The following CCDC141 variants were observed in gnomAD, a reference collection of about 807,000 sequenced individuals.
CCDC141 encodes the protein coiled-coil domain-containing protein 141.
CCDC141 carries 168 observed loss-of-function variants against 181.0 expected under a neutral mutation model. The ratio of observed to expected loss-of-function variants is 0.93; its 90% CI spans 0.82 to 1.05. CCDC141 has a LOEUF of 1.05. Among genes scored for constraint, CCDC141 ranks in the 50% least tolerant of loss-of-function variants. The pLI is 0.00. For synonymous variants in CCDC141, 666 were observed against 642.3 expected (o/e 1.04, Z -0.56); for missense variants, 1,902 against 1,788.5 (o/e 1.06, Z -1.14).
chr2:178,837,793 T>C (rs1169441830), intron 22 of CCDC141, 49 bp from the exon 23 acceptor site: 2 of 1,545,286 alleles, frequency 1.3e-6, no homozygotes, highest in Non-Finnish European at 1.7e-6. Context: ...TTTTTCTTTT[T>C]CCAGTTTCAA....
chr2:178,945,618 C>T (rs1055635693), intron 5 of CCDC141, among the ~76,000 whole-genome samples: 3 of 152,132 alleles, frequency 2.0e-5, no homozygotes, highest in African/African-American at 7.2e-5. Context: ...GCCCTGCCAT[C>T]AGCGGGAATG....
chr2:178,961,148 C>A, intron 5 of CCDC141, 82 bp downstream of exon 5: 1 of 1,437,746 alleles, frequency 7.0e-7, no homozygotes, highest in Non-Finnish European at 9.3e-7. Context: ...TGAAGACTGA[C>A]AAACTGCCCC....
chr2:179,039,361 C>G (rs1280567959), intron 2 of CCDC141, among the ~76,000 whole-genome samples: 5 of 152,044 alleles, frequency 3.3e-5, no homozygotes. Context: ...CAGAAAATAG[C>G]TTTTCTATTA....
chr2:179,035,530 G>T (rs1389546151), intron 2 of CCDC141, among the ~76,000 whole-genome samples: 1 of 152,124 alleles, frequency 6.6e-6, no homozygotes, highest in African/African-American at 2.4e-5. Context: ...AGTGGAAAAG[G>T]CCTGTCTCTG....
intron 7 of CCDC141, among the ~76,000 whole-genome samples, chr2:178,916,309 T>C (rs1688444328): frequency 6.6e-6 from 1 of 152,158 alleles, no homozygotes; most frequent in Non-Finnish European, 1.5e-5. Context: ...TTTGAAATTA[T>C]ATTAATTTTA....
chr2:178,932,492 G>C (rs1689139063), intron 6 of CCDC141, among the ~76,000 whole-genome samples: 1 of 152,106 alleles, frequency 6.6e-6, no homozygotes, highest in Non-Finnish European at 1.5e-5. Context: ...TTGGTAACAT[G>C]TAATCCTTAG....
rs1349425711 is a variant in CCDC141, at chr2:179,049,880, A to G, written c.62T>C (p.Val21Ala). The change falls in exon 1 of 24, where the codon GTG becomes GCG. Residue 21 changes from valine (V) to alanine (A), a missense_variant. By Grantham distance (64) the Val-to-Ala change is moderately conservative. Coordinates refer to ENST00000443758, the MANE Select transcript of CCDC141 (RefSeq NM_173648.4). ...AACGATTTTGGAGTCCCCAGCCTGCACAGCAACTGAACTGACTGTCGTCGT... is the reference window on the plus strand; with the variant it reads ...AACGATTTTGGAGTCCCCAGCCTGCGCAGCAACTGAACTGACTGTCGTCGT... ...LSTTTVSSVAVQAGDSKIVIA... is the reference protein window; with the variant it reads ...LSTTTVSSVAAQAGDSKIVIA... 6.4e-7 allele frequency: 1 copy of G among 1,550,808 alleles called. No homozygotes were observed.
intron 1 of CCDC141, among the ~76,000 whole-genome samples, chr2:179,047,847 C>T (rs1387967893): frequency 6.6e-6 from 1 of 152,152 alleles, no homozygotes; most frequent in African/African-American, 2.4e-5. Flanking sequence ...CTTGTAAATG[C>T]AATTTAGGCT....
At chr2:178,957,322 T>C (rs1241063111) in intron 5 of CCDC141, among the ~76,000 whole-genome samples, 1 of 152,184 alleles carries the variant, frequency 6.6e-6, no homozygotes, top group East Asian at 1.9e-4. Flanking sequence ...GTGAGTTAAG[T>C]ATTATTCCCA....
At chr2:178,841,552 T>C (rs1182670600) in intron 22 of CCDC141, among the ~76,000 whole-genome samples, 4 of 152,252 alleles carry the variant, frequency 2.6e-5, no homozygotes, top group African/African-American at 9.6e-5. Flanking sequence ...ACATCTATTA[T>C]GTATCATATA....
At chr2:178,885,204 A>G (rs1307252019) in intron 10 of CCDC141, 112 bp from the exon 11 acceptor site, 2 of 600,618 alleles carry the variant, frequency 3.3e-6, no homozygotes, top group Non-Finnish European at 5.3e-6. Context: ...ACTTATACCA[A>G]GAATCTCCTC....
At chr2:178,956,696 T>G (rs1336386421) in intron 5 of CCDC141, among the ~76,000 whole-genome samples, 1 of 152,220 alleles carries the variant, frequency 6.6e-6, no homozygotes, top group Non-Finnish European at 1.5e-5. Context: ...ATAGTTAATT[T>G]TTGTTCAAGT....
At chr2:178,920,967 T>C (rs886160983) in intron 6 of CCDC141, among the ~76,000 whole-genome samples, 1 of 152,154 alleles carries the variant, frequency 6.6e-6, no homozygotes, top group Non-Finnish European at 1.5e-5. Flanking sequence ...GATATTATTA[T>C]TTTTTCTAGT....
At chr2:178,984,001 A>G (rs921184244) in intron 2 of CCDC141, among the ~76,000 whole-genome samples, 7 of 151,630 alleles carry the variant, frequency 4.6e-5, no homozygotes, top group African/African-American at 1.2e-4. Context: ...GCAACTCCAA[A>G]ACACATAATT....
At chr2:178,817,865 C>A in the CCDC141 span, among the ~76,000 whole-genome samples, 1 of 130,064 alleles carries the variant, frequency 7.7e-6, no homozygotes, top group Non-Finnish European at 1.6e-5. Context: ...TGCAGTGGCA[C>A]AATCTCCACT....
chr2:178,974,220 G>A (rs1691022799), intron 4 of CCDC141, among the ~76,000 whole-genome samples: 2 of 152,076 alleles, frequency 1.3e-5, no homozygotes, highest in South Asian at 4.2e-4. Context: ...ACACCTTTTG[G>A]TCCTATCCAG....
At chr2:179,036,358 A>C (rs904384392) in intron 2 of CCDC141, among the ~76,000 whole-genome samples, 2 of 152,194 alleles carry the variant, frequency 1.3e-5, no homozygotes, top group Non-Finnish European at 2.9e-5. Flanking sequence ...CTCCATGTTG[A>C]AGAAGCCTAT....
chr2:179,031,016 G>A (rs1403264470), intron 2 of CCDC141, among the ~76,000 whole-genome samples: 1 of 151,946 alleles, frequency 6.6e-6, no homozygotes, highest in Non-Finnish European at 1.5e-5. Flanking sequence ...CCAATATAGA[G>A]GGCCACTAGC....
intron 6 of CCDC141, among the ~76,000 whole-genome samples, chr2:178,932,075 C>T (rs1689121731): frequency 6.6e-6 from 1 of 152,096 alleles, no homozygotes; most frequent in African/African-American, 2.4e-5. Context: ...AAGAGAATTG[C>T]TTGAACCTAG....
Sources: gnomAD v4.1 joint callset for allele counts (sites outside exome capture counted in the v4.1 genomes callset) on GRCh38, gnomAD v4.1.1 for gene constraint, MANE v1.5 for transcripts, NCBI Gene and HGNC (gene_info 2026-07-23, HGNC 2026-07-21) for gene names.